The following IGDCC4 variants were observed in gnomAD, a reference collection of about 807,000 sequenced individuals.
IGDCC4 encodes the protein likely ortholog of mouse neighbor of Punc E11.
Under a neutral mutation model 116.6 loss-of-function variants are expected in IGDCC4, and 72 were observed. That is an observed-to-expected ratio of 0.62 (90% CI 0.51 to 0.75). The LOEUF (loss-of-function observed/expected upper bound fraction) is 0.75. Ranked by LOEUF, IGDCC4 falls within the 30% of genes least tolerant of loss-of-function variation. The pLI, the probability that IGDCC4 is intolerant of heterozygous loss-of-function variation, is 0.00. For missense variants in IGDCC4, 1,501 were observed against 1,662.4 expected, an observed-to-expected ratio of 0.90 and a Z score of 1.69; for synonymous variants, 709 against 719.9, an observed-to-expected ratio of 0.98 and a Z score of 0.24.
At chr15:65,411,459 G>T (rs576688013) in intron 1 of IGDCC4, 89 bp from the exon 2 acceptor site, 1 of 1,125,484 alleles carries the variant, frequency 8.9e-7, no homozygotes, top group Non-Finnish European at 1.2e-6. Context: ...AGGGGCTGGG[G>T]CAAATCAAGG....
chr15:65,385,626 A>T lies in IGDCC4; in HGVS notation c.3180+205T>A, dbSNP rs906362293. 9 of 642,328 alleles carry T rather than the reference A, an allele frequency of 1.4e-5. No individual in the cohort carries two copies. In the African/African-American group the frequency reaches 1.5e-4, roughly 10 times the overall value. 39.8% of individuals were successfully genotyped at this position (642,328 alleles called of 1,614,324 possible). A position where few individuals can be genotyped will look rare whatever the true frequency, so the allele number is the denominator to read the frequency against. On this transcript the variant is annotated intron_variant, in intron 18 of 19. Coordinates refer to ENST00000352385, the MANE Select transcript of IGDCC4 (RefSeq NM_020962.3). ...CTGGGAGGCCCTTTCCTTCGTGAGA[A>T]CCAAGCTGACCTATTCCGCCGGGAT...
chr15:65,417,577 T>C (rs566186863), intron 1 of IGDCC4, among the ~76,000 whole-genome samples: 3 of 152,306 alleles, frequency 2.0e-5, no homozygotes, highest in African/African-American at 7.2e-5. Context: ...GGCACCCCCA[T>C]CATCGCAGTT....
At chr15:65,414,053 G>C (rs1459511594) in intron 1 of IGDCC4, among the ~76,000 whole-genome samples, 1 of 152,160 alleles carries the variant, frequency 6.6e-6, no homozygotes, top group East Asian at 1.9e-4. Context: ...CTAAACACAT[G>C]CGCCTCAGTC....
rs749143479 is a variant in IGDCC4, at chr15:65,396,080, C to T, written c.1081G>A (p.Glu361Lys). The T allele has an allele frequency of 2.8e-5, 39 of 1,385,084 alleles. No homozygotes were observed. The South Asian group carries it at 6.0e-4, about 21-fold the overall frequency. The allele number at this position is 1,385,084 out of a possible 1,614,324, so 85.8% of individuals were successfully genotyped here. The change falls in exon 7 of 20, where the codon GAG (glutamate) becomes AAG (lysine). Residue 361 changes from glutamate to lysine, a missense_variant. Physicochemically the swap from Glu to Lys is moderately conservative, Grantham distance 56 (BLOSUM62 1). Around this residue, in one of 3 missense-constraint regions of IGDCC4, gnomAD observed 898 missense variants for 978.9 expected, o/e 0.92. Transcript: ENST00000352385. ...TARFVCRASG[E>K]PRPALRWLHN... ...AGCCAGCGCAGCGCTGGCCGCGGCT[C>T]CCCCGACGCGCGGCACACGAAGCGC...
intron 1 of IGDCC4, 96 bp downstream of exon 1, chr15:65,422,697 T>C: frequency 9.6e-7 from 1 of 1,045,370 alleles, no homozygotes; most frequent in Non-Finnish European, 1.2e-6. Context: ...TGCTCGGGAC[T>C]CCGGCTTGAG....
intron 1 of IGDCC4, among the ~76,000 whole-genome samples, chr15:65,413,023 A>AATGTGTGTGTGT (rs1175054836): frequency 2.8e-5 from 3 of 105,404 alleles, no homozygotes; most frequent in African/African-American, 1.5e-4. Context: ...AGTGTGAGAA[A>AATGTGTGTGTGT]ATGTGTGTGT....
intron 5 of IGDCC4, 124 bp downstream of exon 5, chr15:65,400,682 T>A: frequency 1.6e-6 from 2 of 1,231,458 alleles, no homozygotes; most frequent in Non-Finnish European, 2.2e-6. Context: ...GGAAAGGAGT[T>A]CGTGCCACAC....
intron 5 of IGDCC4, among the ~76,000 whole-genome samples, 166 bp downstream of exon 5, chr15:65,400,640 A>G (rs929555724): frequency 2.0e-5 from 3 of 152,174 alleles, no homozygotes; most frequent in East Asian, 3.9e-4. Flanking sequence ...TTCCCCACGC[A>G]GCTCCGACCT....
chr15:65,396,265 C>G (rs1450941108), intron 6 of IGDCC4, 102 bp from the exon 7 acceptor site: 7 of 1,262,300 alleles, frequency 5.5e-6, no homozygotes, highest in Middle Eastern at 1.9e-4. Flanking sequence ...TCCCTCGCTC[C>G]CCTTCCAATC....
chr15:65,384,472 T>A lies in IGDCC4; in HGVS notation c.3343-53A>T. 1 of 1,461,236 alleles carries A rather than the reference T, an allele frequency of 6.8e-7. No individual in the cohort carries two copies. The highest frequency in any genetic ancestry group is 9.0e-7 in the Non-Finnish European group (1 of 1,106,784). The allele number at this position is 1,461,236 out of a possible 1,614,324, so 90.5% of individuals were successfully genotyped here. ...AAGTGACCATTACTGAGAGTAATCA[T>A]CAGAATGACCAGCGTACGTGGGGCA... On this transcript the variant is annotated intron_variant, in intron 19 of 19. Transcript: ENST00000352385. The surrounding 1 kb of genome is among the most constrained non-coding windows in gnomAD (Gnocchi z 4.9).
intron 5 of IGDCC4, among the ~76,000 whole-genome samples, chr15:65,398,583 A>G (rs927970862): frequency 4.6e-4 from 69 of 149,712 alleles, no homozygotes; most frequent in African/African-American, 1.7e-3. Flanking sequence ...GAGAGAGAGA[A>G]AGAAAACAAA....
chr15:65,422,359 C>T (rs562494425), intron 1 of IGDCC4, among the ~76,000 whole-genome samples: 12 of 152,190 alleles, frequency 7.9e-5, no homozygotes, highest in Admixed American at 7.8e-4. Flanking sequence ...GGTGCAGACA[C>T]AACCCCAGTT....
Position 65,388,872 on chromosome 15 carries a change from A to T in IGDCC4, c.2643T>A (p.Tyr881Ter). 3 of 1,613,972 alleles carry T rather than the reference A, an allele frequency of 1.9e-6. No individual in the cohort carries two copies. The highest frequency in any genetic ancestry group is 2.5e-6 in the Non-Finnish European group (3 of 1,180,022). The change falls in exon 15 of 20, where the codon TAT (tyrosine) becomes TAA (stop). Residue 881 changes from tyrosine to a stop codon, truncating the protein, a stop_gained. Transcript: ENST00000352385. LOFTEE classifies it high-confidence loss of function. ...TGTGGTTGCTGCTGTACAGGATCAG[A>T]TACTCCACGATCTCCCCGTTGGGCT... Reference protein sequence around the residue: ...PTEPNGEIVEYLILYSSNHTQ... With the variant: ...PTEPNGEIVE
chr15:65,398,433 C>T (rs1250569414), intron 5 of IGDCC4, among the ~76,000 whole-genome samples: 3 of 148,712 alleles, frequency 2.0e-5, no homozygotes, highest in Non-Finnish European at 4.4e-5. Context: ...ACTCGGGAAG[C>T]TGAGACAGGA....
intron 1 of IGDCC4, among the ~76,000 whole-genome samples, chr15:65,413,250 G>A (rs537012492): frequency 3.0e-4 from 46 of 152,194 alleles, no homozygotes; most frequent in African/African-American, 1.1e-3. Flanking sequence ...CATGAGAGGA[G>A]GCTCACATGG....
At chr15:65,398,180 G>A (rs998498856) in intron 5 of IGDCC4, among the ~76,000 whole-genome samples, 11 of 152,128 alleles carry the variant, frequency 7.2e-5, no homozygotes, top group African/African-American at 2.7e-4. Flanking sequence ...GTGTTTGAGT[G>A]TTTTCTGCAT....
At chr15:65,418,269 A>C (rs1567096001) in intron 1 of IGDCC4, among the ~76,000 whole-genome samples, 1 of 152,254 alleles carries the variant, frequency 6.6e-6, no homozygotes, top group African/African-American at 2.4e-5. Context: ...CCCTGTACTT[A>C]AACATGACCA....
chr15:65,396,846 G>T lies in IGDCC4; in HGVS notation c.985C>A (p.Leu329Ile). The change falls in exon 6 of 20, where the codon CTC (leucine) becomes ATC (isoleucine). Residue 329 changes from leucine to isoleucine, a missense_variant. Physicochemically the swap from Leu to Ile is conservative, Grantham distance 5 (BLOSUM62 2). Around this residue, in one of 3 missense-constraint regions of IGDCC4, gnomAD observed 898 missense variants for 978.9 expected, o/e 0.92. Coordinates refer to ENST00000352385, the MANE Select transcript of IGDCC4 (RefSeq NM_020962.3). ...CGGCCCGCCTCACCCAGCACACGGA[G>T]CTCAGCGGCTGCAGTGGCGAAGTCG... ...TRDFATAAAELRVLAAPAITQ... is the reference protein window; with the variant it reads ...TRDFATAAAEIRVLAAPAITQ... The T allele has an allele frequency of 1.3e-6, 2 of 1,572,978 alleles. No homozygotes were observed. Among genetic ancestry groups the T allele is most frequent in the Non-Finnish European group, 1.7e-6 (2 of 1,159,232 alleles).
chr15:65,397,067 C>T, intron 5 of IGDCC4, 78 bp from the exon 6 acceptor site: 1 of 1,498,990 alleles, frequency 6.7e-7, no homozygotes, highest in Non-Finnish European at 9.0e-7. Flanking sequence ...CTCAGGAACA[C>T]TCTGCACCCG....
Sources: gnomAD v4.1 joint callset for allele counts (sites outside exome capture counted in the v4.1 genomes callset) on GRCh38, gnomAD v4.1.1 for gene constraint, gnomAD v4.1.1 regional missense constraint, Gnocchi (gnomAD v3.1) non-coding constraint, MANE v1.5 for transcripts, NCBI Gene and HGNC (gene_info 2026-07-23, HGNC 2026-07-21) for gene names.